The following CACNA1C variants were observed in gnomAD, a reference collection of about 807,000 sequenced individuals.
CACNA1C encodes the protein calcium voltage-gated channel subunit alpha1 C, also known as voltage-dependent L-type calcium channel subunit alpha-1C.
A neutral mutation model predicts 229.0 loss-of-function variants in CACNA1C; 30 were observed. That is an observed-to-expected ratio of 0.13 (90% CI 0.10 to 0.18). The LOEUF is 0.18. Among genes scored for constraint, CACNA1C ranks in the 10% least tolerant of loss-of-function variants. CACNA1C has a pLI of 1.00. For synonymous variants in CACNA1C, 1,114 were observed against 1,132.5 expected (o/e 0.98, Z 0.33); for missense variants, 1,658 against 2,845.0 (o/e 0.58, Z 9.49).
At chr12:2,135,467 A>G (rs1297788386) in intron 3 of CACNA1C, among the ~76,000 whole-genome samples, 2 of 136,264 alleles carry the variant, frequency 1.5e-5, no homozygotes, top group Admixed American at 7.3e-5. Context: ...GATGATGGTG[A>G]TGTACAGATG....
In CACNA1C at chr12:2,661,674, G is replaced by A. The variant is rs150363951; in HGVS notation, c.4233-3151G>A. Among the ~76,000 whole-genome samples the A allele has an allele frequency of 2.2e-3, 328 of 152,082 alleles. 2 individuals carry two copies. The highest frequency in any genetic ancestry group is 7.6e-3 in the African/African-American group (315 of 41,500). ...ACTAATATAAAGCTAATGCCAATGA[G>A]AAAAAGAGAAAAAAGCAAGCAGTTA... On this transcript the variant is annotated intron_variant, in intron 34 of 46. Transcript: ENST00000399655.
At chr12:2,352,621 G>A (rs931845813) in intron 3 of CACNA1C, among the ~76,000 whole-genome samples, 3 of 151,664 alleles carry the variant, frequency 2.0e-5, no homozygotes, top group Admixed American at 6.6e-5. Context: ...TCTGTGGACC[G>A]TTGAGTGTCT....
At chr12:2,590,453 C>G (rs1259081552) in intron 18 of CACNA1C, among the ~76,000 whole-genome samples, 1 of 152,206 alleles carries the variant, frequency 6.6e-6, no homozygotes, top group Non-Finnish European at 1.5e-5. Context: ...TTGCCAACCC[C>G]AAAATGAGCC....
chr12:2,453,108 G>T (rs890365277), intron 4 of CACNA1C, among the ~76,000 whole-genome samples: 4 of 152,144 alleles, frequency 2.6e-5, no homozygotes, highest in Non-Finnish European at 4.4e-5. Flanking sequence ...TGAGAGTCTC[G>T]CTCAGAGGTC....
chr12:2,035,105 C>A (rs912782747), intron 1 of CACNA1C, among the ~76,000 whole-genome samples: 2 of 152,186 alleles, frequency 1.3e-5, no homozygotes, highest in Non-Finnish European at 2.9e-5. Flanking sequence ...GCGCGGAGAC[C>A]GCAAGGCCCG....
chr12:2,488,570 G>T lies in CACNA1C; in HGVS notation c.916+2308G>T, dbSNP rs111994880. On this transcript the variant is annotated intron_variant, in intron 6 of 46. Coordinates refer to ENST00000399655, the MANE Select transcript of CACNA1C (RefSeq NM_000719.7). The surrounding 1 kb of genome is among the most constrained non-coding windows in gnomAD (Gnocchi z 4.0). ...GACCAGGAAAAGTGCCTGAGAAGTT[G>T]CCTCCTACCAAGAGACTCATCAGAT... 8.0e-3 allele frequency among the ~76,000 whole-genome samples: 1,215 copies of T among 152,288 alleles called. 18 individuals carry two copies. Among genetic ancestry groups the T allele is most frequent in the African/African-American group, 0.028 (1,151 of 41,546 alleles).
intron 5 of CACNA1C, among the ~76,000 whole-genome samples, chr12:2,460,403 T>C (rs751870006): frequency 1.3e-5 from 2 of 152,200 alleles, no homozygotes; most frequent in African/African-American, 2.4e-5. Flanking sequence ...ACTGAGGAGA[T>C]GATTGTTATC....
intron 3 of CACNA1C, among the ~76,000 whole-genome samples, chr12:2,295,923 G>C (rs772304506): frequency 1.3e-5 from 2 of 152,208 alleles, no homozygotes; most frequent in Non-Finnish European, 2.9e-5. Flanking sequence ...TCATTGTTTT[G>C]TTTTTGTGAC....
At chr12:2,475,504 A>G (rs2154568651) in intron 5 of CACNA1C, among the ~76,000 whole-genome samples, 1 of 152,356 alleles carries the variant, frequency 6.6e-6, no homozygotes, top group Non-Finnish European at 1.5e-5. Context: ...CAAAGACAGG[A>G]CTGGTAATTT....
chr12:2,158,448 G>A (rs1450695350), intron 3 of CACNA1C, among the ~76,000 whole-genome samples: 2 of 152,140 alleles, frequency 1.3e-5, no homozygotes, highest in Admixed American at 6.5e-5. Flanking sequence ...TTGGTGGTAC[G>A]TGCCTGTAGT....
chr12:2,071,337 C>T (rs1174337332), intron 1 of CACNA1C, among the ~76,000 whole-genome samples: 2 of 151,354 alleles, frequency 1.3e-5, no homozygotes, highest in Non-Finnish European at 2.9e-5. Context: ...TCCACCTCAG[C>T]CTCCTGAGTA....
chr12:2,296,741 C>G (rs547798853), intron 3 of CACNA1C, among the ~76,000 whole-genome samples: 1 of 152,180 alleles, frequency 6.6e-6, no homozygotes, highest in African/African-American at 2.4e-5. Context: ...CAAATTCCCC[C>G]GTTGGTCTGT....
intron 3 of CACNA1C, among the ~76,000 whole-genome samples, chr12:2,164,220 C>T (rs191757884): frequency 6.6e-5 from 10 of 152,366 alleles, no homozygotes; most frequent in Non-Finnish European, 1.0e-4. Flanking sequence ...ATAATCCTGA[C>T]TGTGTTCTTT....
intron 3 of CACNA1C, among the ~76,000 whole-genome samples, chr12:2,220,040 T>C (rs1358197001): frequency 1.3e-5 from 2 of 152,202 alleles, no homozygotes; most frequent in Non-Finnish European, 2.9e-5. Context: ...GGGAAATGGT[T>C]CTTTGCATCC....
intron 29 of CACNA1C, among the ~76,000 whole-genome samples, chr12:2,625,162 T>C (rs1352041774): frequency 6.6e-6 from 1 of 152,216 alleles, no homozygotes; most frequent in Non-Finnish European, 1.5e-5. Context: ...CAGGTTTCTT[T>C]CCGGCCTTGT....
intron 1 of CACNA1C, among the ~76,000 whole-genome samples, chr12:2,015,582 A>G (rs2045224838): frequency 6.6e-6 from 1 of 152,222 alleles, no homozygotes; most frequent in African/African-American, 2.4e-5. Context: ...GAGAGAGCCT[A>G]GGGCGAAAGT....
chr12:2,412,196 G>A (rs1334152518), intron 3 of CACNA1C, among the ~76,000 whole-genome samples: 1 of 152,170 alleles, frequency 6.6e-6, no homozygotes, highest in Non-Finnish European at 1.5e-5. Flanking sequence ...CAGCCCCACT[G>A]CAGGACGCCC....
At chr12:2,369,461 C>T (rs1476299988) in intron 3 of CACNA1C, among the ~76,000 whole-genome samples, 2 of 149,848 alleles carry the variant, frequency 1.3e-5, no homozygotes, top group Non-Finnish European at 3.0e-5. Flanking sequence ...TGCAGTGGCG[C>T]AATCTTGGCT....
At chr12:2,476,321 G>A (rs1357924168) in intron 5 of CACNA1C, among the ~76,000 whole-genome samples, 1 of 152,220 alleles carries the variant, frequency 6.6e-6, no homozygotes, top group Non-Finnish European at 1.5e-5. Context: ...AATGGCTAAG[G>A]AATGGAAGTG....
Sources: gnomAD v4.1 joint callset for allele counts (sites outside exome capture counted in the v4.1 genomes callset) on GRCh38, gnomAD v4.1.1 for gene constraint, Gnocchi (gnomAD v3.1) non-coding constraint, MANE v1.5 for transcripts, NCBI Gene and HGNC (gene_info 2026-07-23, HGNC 2026-07-21) for gene names.